The following TFPI2 variants were observed in gnomAD, a reference collection of about 807,000 sequenced individuals.
The protein encoded by TFPI2 is placental protein 5.
TFPI2 carries 23 observed loss-of-function variants against 23.1 expected under a neutral mutation model. The ratio of observed to expected loss-of-function variants is 1.00; its 90% CI spans 0.72 to 1.41. The LOEUF is 1.41. Among genes scored for constraint, TFPI2 ranks in the 40% most tolerant of loss-of-function variants. The pLI is 0.00. For synonymous variants in TFPI2, 119 were observed against 111.7 expected, an observed-to-expected ratio of 1.07 and a Z score of -0.41; for missense variants, 291 against 299.6, an observed-to-expected ratio of 0.97 and a Z score of 0.21.
At position 93,886,768 on chromosome 7, in the gene TFPI2, C is replaced by T. The variant is rs1584074459; in HGVS notation, c.*52G>A. 8.7e-7 allele frequency: 1 copy of T among 1,149,322 alleles called. No individual in the cohort carries two copies. The highest frequency in any genetic ancestry group is 1.5e-5 in the South Asian group (1 of 65,362). The allele number at this position is 1,149,322 out of a possible 1,614,324, so 71.2% of individuals were successfully genotyped here. A position where few individuals can be genotyped will look rare whatever the true frequency, so the allele number is the denominator to read the frequency against. On this transcript the variant is annotated 3_prime_UTR_variant, in exon 5 of 5. Coordinates refer to ENST00000222543, the MANE Select transcript of TFPI2 (RefSeq NM_006528.4). ...CTGTCATATTATTCTTCAGATACAA[C>T]CATAAAGGCAAATAAGCCATAAAGA...
intron 1 of TFPI2, 48 bp downstream of exon 1, chr7:93,890,543 C>T (rs112988173): frequency 1.3e-6 from 2 of 1,587,092 alleles, no homozygotes; most frequent in South Asian, 1.1e-5. Context: ...TGGCCCGCTG[C>T]GCCCTCTCCG....
In TFPI2 at chr7:93,886,762, A is replaced by T. The variant is rs371377595; in HGVS notation, c.*58T>A. 1.7e-3 allele frequency: 1,866 copies of T among 1,080,812 alleles called. 5 individuals are homozygous for T. Among genetic ancestry groups the T allele is most frequent in the Non-Finnish European group, 2.3e-3 (1,731 of 755,508 alleles). The allele number at this position is 1,080,812 out of a possible 1,614,324, so 67.0% of individuals were successfully genotyped here. ...CTCATGCTGTCATATTATTCTTCAG[A>T]TACAACCATAAAGGCAAATAAGCCA... On this transcript the variant is annotated 3_prime_UTR_variant, in exon 5 of 5. Coordinates refer to ENST00000222543, the MANE Select transcript of TFPI2 (RefSeq NM_006528.4).
At chr7:93,888,710 C>G (rs1794063852) in intron 3 of TFPI2, among the ~76,000 whole-genome samples, 1 of 151,664 alleles carries the variant, frequency 6.6e-6, no homozygotes, top group Non-Finnish European at 1.5e-5. Flanking sequence ...GCCTGTAGTC[C>G]CAGCTACTCA....
chr7:93,886,745 G>T lies in TFPI2; in HGVS notation c.*75C>A. 1.1e-6 allele frequency: 1 copy of T among 934,992 alleles called. No individual in the cohort carries two copies. The highest frequency in any genetic ancestry group is 1.6e-6 in the Non-Finnish European group (1 of 629,394). The allele number at this position is 934,992 out of a possible 1,614,324, so 57.9% of individuals were successfully genotyped here. On this transcript the variant is annotated 3_prime_UTR_variant, in exon 5 of 5. Coordinates refer to ENST00000222543, the MANE Select transcript of TFPI2 (RefSeq NM_006528.4). ...CACCAATGATTTGTTTCCTCATGCT[G>T]TCATATTATTCTTCAGATACAACCA...
Position 93,889,192 on chromosome 7 carries a change from A to G in TFPI2, c.303T>C (p.Ser101=). The G allele has an allele frequency of 6.3e-7, 1 of 1,595,898 alleles. No homozygotes were observed. The highest frequency in any genetic ancestry group is 8.5e-7 in the Non-Finnish European group (1 of 1,171,870). Residue 101 remains serine, a synonymous_variant, in exon 3 of 5, where the codon AGT becomes AGC. Coordinates refer to ENST00000222543, the MANE Select transcript of TFPI2 (RefSeq NM_006528.4). ...KVPKVCRLQV[S]VDDQCEGSTE... Reference sequence around the variant, plus strand: ...TGGACCCCTCACACTGGTCGTCCACACTCACTTGCAGCCGGCAAACTTTGG... The same window carrying G: ...TGGACCCCTCACACTGGTCGTCCACGCTCACTTGCAGCCGGCAAACTTTGG...
chr7:93,887,413 C>A lies in TFPI2; in HGVS notation c.479G>T (p.Ser160Ile). The A allele has an allele frequency of 6.2e-7, 1 of 1,609,058 alleles. No individual in the cohort carries two copies. The highest frequency in any genetic ancestry group is 1.1e-5 in the South Asian group (1 of 89,106). ...APKKIPSFCY[S>I]PKDEGLCSAN... Reference sequence around the variant, plus strand: ...AGAGCACAGTCCCTCATCTTTTGGACTGTAGCAAAATGATGGAACTTTATA... The same window carrying A: ...AGAGCACAGTCCCTCATCTTTTGGAATGTAGCAAAATGATGGAACTTTATA... Residue 160 changes from serine to isoleucine, a missense_variant, in exon 4 of 5, where the codon AGT becomes ATT. Ser to Ile is a moderately radical substitution (Grantham distance 142, BLOSUM62 -2). Transcript: ENST00000222543.
intron 3 of TFPI2, 29 bp from the exon 4 acceptor site, chr7:93,887,460 A>T: frequency 6.4e-7 from 1 of 1,566,336 alleles, no homozygotes; most frequent in Non-Finnish European, 8.7e-7. Flanking sequence ...AAAATTAGAA[A>T]TGTTATAATA....
chr7:93,890,234 C>G lies in TFPI2; in HGVS notation c.174G>C (p.Thr58=), dbSNP rs747674325. The change falls in exon 2 of 5, where the codon ACG becomes ACC. Residue 58 remains threonine, a synonymous_variant. Transcript: ENST00000222543. ...LLLRYYYDRY[T]QSCRQFLYGG... is the part of the protein sequence containing the mutation. ...CGTACAGGAACTGGCGGCAGCTCTG[C>G]GTGTACCTGTCGTAGTAGTAACGGA... is the stretch of plus-strand genomic sequence containing the variant. 1.2e-6 allele frequency: 2 copies of G among 1,613,880 alleles called. No homozygotes were observed. Among genetic ancestry groups the G allele is most frequent in the Admixed American group, 1.7e-5 (1 of 59,996 alleles).
In TFPI2 at chr7:93,889,195, C is replaced by T; in HGVS notation, c.300G>A (p.Val100=). Residue 100 remains valine (V), a synonymous_variant, in exon 3 of 5, where the codon GTG becomes GTA. Transcript: ENST00000222543. The part of the protein sequence containing the change: ...EKVPKVCRLQ[V]SVDDQCEGST... ...ACCCCTCACACTGGTCGTCCACACT[C>T]ACTTGCAGCCGGCAAACTTTGGGAA... is the stretch of plus-strand genomic sequence containing the variant. The T allele has an allele frequency of 6.3e-7, 1 of 1,587,192 alleles. No homozygotes were observed. Among genetic ancestry groups the T allele is most frequent in the Non-Finnish European group, 8.6e-7 (1 of 1,168,170 alleles).
rs1159066500 is a variant in TFPI2, at chr7:93,889,165, T to C, written c.330A>G (p.Thr110=). 1.9e-6 allele frequency: 3 copies of C among 1,613,050 alleles called. No individual in the cohort carries two copies. Among genetic ancestry groups the C allele is most frequent in the Non-Finnish European group, 2.5e-6 (3 of 1,179,704 alleles). ...VSVDDQCEGS[T]EKYFFNLSSM... ...AACTTAGATTAAAGAAATACTTTTCTGTGGACCCCTCACACTGGTCGTCCA... is the reference window on the plus strand; with the variant it reads ...AACTTAGATTAAAGAAATACTTTTCCGTGGACCCCTCACACTGGTCGTCCA... The change falls in exon 3 of 5, where the codon ACA becomes ACG. Residue 110 remains threonine (T), a synonymous_variant. Transcript: ENST00000222543.
chr7:93,889,287 G>A (rs1422682467), intron 2 of TFPI2, 64 bp from the exon 3 acceptor site: 1 of 1,420,598 alleles, frequency 7.0e-7, no homozygotes, highest in African/African-American at 1.5e-5. Flanking sequence ...AACCATCACT[G>A]TATTTTCAGC....
intron 3 of TFPI2, 66 bp downstream of exon 3, chr7:93,888,969 G>C: frequency 7.0e-7 from 1 of 1,422,336 alleles, no homozygotes; most frequent in Non-Finnish European, 9.6e-7. Context: ...GCATCAAATT[G>C]AGTTTTTTCC....
At position 93,886,863 on chromosome 7, in the gene TFPI2, C is replaced by T. The variant is rs543669576; in HGVS notation, c.665G>A (p.Arg222His). 1.4e-5 allele frequency: 21 copies of T among 1,548,882 alleles called. No homozygotes were observed. The highest frequency in any genetic ancestry group is 2.8e-5 in the African/African-American group (2 of 70,436). Residue 222 changes from arginine (R) to histidine (H), a missense_variant, in exon 5 of 5, where the codon CGC (arginine) becomes CAC (histidine). Transcript: ENST00000222543. ...LKKKKKMPKL[R>H]FASRIRKIRK... The stretch of plus-strand genomic sequence containing the variant: ...AATTTTCCGGATTCTACTGGCAAAG[C>T]GAAGCTTTGGCATCTTCTTTTTCTT...
At chr7:93,890,100 G>A (rs1469249850) in intron 2 of TFPI2, 37 bp downstream of exon 2, 1 of 1,513,916 alleles carries the variant, frequency 6.6e-7, no homozygotes, top group Non-Finnish European at 8.9e-7. Flanking sequence ...GCCGGCGCAA[G>A]GAGCGCGAGA....
In TFPI2 at chr7:93,885,997, T is replaced by G. The variant is rs1793983119; in HGVS notation, c.*823A>C. ...CTGGTGAAATTTAAATTATTAAATT[T>G]ATGCATGGTTTCTCATGCATGGTTT... is the stretch of plus-strand genomic sequence containing the variant. On this transcript the variant is annotated 3_prime_UTR_variant, in exon 5 of 5. Transcript: ENST00000222543. 6.6e-6 allele frequency: 1 copy of G among 152,078 alleles called. No individual in the cohort carries two copies. The highest frequency in any genetic ancestry group is 2.4e-5 in the African/African-American group (1 of 41,452). 9.4% of individuals were successfully genotyped at this position (152,078 alleles called of 1,614,324 possible).
chr7:93,888,564 G>GGAAA (rs1554337269), intron 3 of TFPI2, among the ~76,000 whole-genome samples: 1 of 106,844 alleles, frequency 9.4e-6, no homozygotes, highest in Non-Finnish European at 1.7e-5. Context: ...AAGGAAGGAA[G>GGAAA]GAAGGAAGGA....
In TFPI2 at chr7:93,886,310, T is replaced by C. The variant is rs1445497071; in HGVS notation, c.*510A>G. 6.6e-6 allele frequency: 1 copy of C among 152,150 alleles called. No individual in the cohort carries two copies. The highest frequency in any genetic ancestry group is 1.5e-5 in the Non-Finnish European group (1 of 67,976). The allele number at this position is 152,150 out of a possible 1,614,324, so 9.4% of individuals were successfully genotyped here. On this transcript the variant is annotated 3_prime_UTR_variant, in exon 5 of 5. Coordinates refer to ENST00000222543, the MANE Select transcript of TFPI2 (RefSeq NM_006528.4). The stretch of plus-strand genomic sequence containing the variant: ...GTTAAGATCTTTTAAATAAATCCCC[T>C]TATTCATTCATTGTACTGCAATCTA...
chr7:93,890,126 A>C lies in TFPI2; in HGVS notation c.271+11T>G. On this transcript the variant is annotated intron_variant, in intron 2 of 4. Coordinates refer to ENST00000222543, the MANE Select transcript of TFPI2 (RefSeq NM_006528.4). The stretch of plus-strand genomic sequence containing the variant: ...GAGCGCGAGAGTCCTGGGTGCGCGC[A>C]GGGCACTTACTTTCTATCCTCCAGC... 1 of 1,581,996 alleles carries C rather than the reference A, an allele frequency of 6.3e-7. No homozygotes were observed. Among genetic ancestry groups the C allele is most frequent in the Non-Finnish European group, 8.6e-7 (1 of 1,157,422 alleles).
At position 93,889,067 on chromosome 7, in the gene TFPI2, G is replaced by C. The variant is rs1174317931; in HGVS notation, c.428C>G (p.Ala143Gly). Residue 143 changes from alanine (A) to glycine (G), a missense_variant, in exon 3 of 5, where the codon GCT becomes GGT. Physicochemically the swap from Ala to Gly is moderately conservative, Grantham distance 60. Transcript: ENST00000222543. ...NRIENRFPDE[A>G]TCMGFCAPKK... The stretch of plus-strand genomic sequence containing the variant: ...TGGTGCGCAGAAGCCCATACAAGTA[G>C]CTTCATCTGGAAACCTGTTCTCAAT... 1.2e-6 allele frequency: 2 copies of C among 1,610,682 alleles called. No homozygotes were observed. The highest frequency in any genetic ancestry group is 4.5e-5 in the East Asian group (2 of 44,632).
Sources: gnomAD v4.1 joint callset for allele counts (sites outside exome capture counted in the v4.1 genomes callset) on GRCh38, gnomAD v4.1.1 for gene constraint, MANE v1.5 for transcripts, NCBI Gene and HGNC (gene_info 2026-07-23, HGNC 2026-07-21) for gene names.